CALN1: variants seen among roughly 807,000 people sequenced by gnomAD.
CALN1 encodes calcium-binding protein 8.
CALN1 carries 17 observed loss-of-function variants against 30.6 expected under a neutral mutation model. The ratio of observed to expected loss-of-function variants is 0.56; its 90% CI spans 0.38 to 0.83. The LOEUF (loss-of-function observed/expected upper bound fraction) is 0.83, where lower values mean the gene tolerates loss of function less well. Among genes scored for constraint, CALN1 ranks in the 40% least tolerant of loss-of-function variants. The probability of loss-of-function intolerance (pLI) is 0.00; values close to 1 mark genes in which losing one functional copy is unlikely to be tolerated. For synonymous variants in CALN1, 156 were observed against 131.4 expected (o/e 1.19, Z -1.28); for missense variants, 291 against 354.9 (o/e 0.82, Z 1.45).
At chr7:72,319,083 A>T (rs1417699058) in intron 2 of CALN1, among the ~76,000 whole-genome samples, 1 of 152,196 alleles carries the variant, frequency 6.6e-6, no homozygotes, top group Non-Finnish European at 1.5e-5. Context: ...ATCTGCACCC[A>T]TATGTTTATC....
chr7:71,818,313 G>C (rs905718109), intron 5 of CALN1, among the ~76,000 whole-genome samples: 1 of 152,006 alleles, frequency 6.6e-6, no homozygotes, highest in Non-Finnish European at 1.5e-5. Context: ...GGAGGGAAGA[G>C]GAGACGGTCA....
intron 5 of CALN1, among the ~76,000 whole-genome samples, chr7:71,879,212 T>C (rs1792425416): frequency 6.6e-6 from 1 of 152,188 alleles, no homozygotes; most frequent in Non-Finnish European, 1.5e-5. Flanking sequence ...TTTAAATAAA[T>C]TGCCATTGAA....
chr7:72,397,588 T>G (rs1806045668), intron 2 of CALN1, among the ~76,000 whole-genome samples: 1 of 152,052 alleles, frequency 6.6e-6, no homozygotes, highest in Non-Finnish European at 1.5e-5. Context: ...GGAAATGTGT[T>G]CCTCAATGGG....
chr7:72,264,079 A>G (rs1487436168), intron 3 of CALN1, among the ~76,000 whole-genome samples: 9 of 152,210 alleles, frequency 5.9e-5, no homozygotes, highest in Admixed American at 4.6e-4. Context: ...AAAGTTCCAC[A>G]CGACCGAGCC....
At chr7:72,029,420 T>C (rs1335828121) in intron 4 of CALN1, among the ~76,000 whole-genome samples, 1 of 152,164 alleles carries the variant, frequency 6.6e-6, no homozygotes, top group Non-Finnish European at 1.5e-5. Context: ...GGCCAATATT[T>C]GATCTTTGAC....
chr7:71,797,614 TCTC>T (rs1054822697), intron 6 of CALN1, among the ~76,000 whole-genome samples: 4 of 152,060 alleles, frequency 2.6e-5, no homozygotes, highest in African/African-American at 9.7e-5. Context: ...GCTGGTCCCT[TCTC>T]CTCTACAAAA....
intron 3 of CALN1, among the ~76,000 whole-genome samples, chr7:72,189,903 T>C (rs1369222410): frequency 1.3e-5 from 2 of 152,224 alleles, no homozygotes; most frequent in African/African-American, 4.8e-5. Flanking sequence ...ATACTTTGAA[T>C]GCATATAGCC....
chr7:72,230,640 C>T (rs1428506868), intron 3 of CALN1, among the ~76,000 whole-genome samples: 2 of 152,016 alleles, frequency 1.3e-5, no homozygotes, highest in South Asian at 2.1e-4. Flanking sequence ...TATAGAAGTT[C>T]GACAAAGCAA....
At chr7:72,155,352 C>A (rs986110944) in intron 3 of CALN1, among the ~76,000 whole-genome samples, 1 of 151,714 alleles carries the variant, frequency 6.6e-6, no homozygotes, top group Admixed American at 6.6e-5. Flanking sequence ...ATTAGCCGGG[C>A]GTGGTGGCAG....
At chr7:72,367,994 A>T (rs1803976620) in intron 2 of CALN1, among the ~76,000 whole-genome samples, 1 of 151,894 alleles carries the variant, frequency 6.6e-6, no homozygotes, top group African/African-American at 2.4e-5. Flanking sequence ...TTATCTGGGC[A>T]TGGTGGCAGG....
intron 2 of CALN1, among the ~76,000 whole-genome samples, chr7:72,312,177 G>C (rs1024631483): frequency 6.6e-6 from 1 of 152,138 alleles, no homozygotes; most frequent in African/African-American, 2.4e-5. Flanking sequence ...GCTGAGGCCA[G>C]AGTATCACTT....
At chr7:72,044,683 C>T (rs1426516962) in intron 4 of CALN1, among the ~76,000 whole-genome samples, 1 of 142,020 alleles carries the variant, frequency 7.0e-6, no homozygotes, top group Admixed American at 7.6e-5. Flanking sequence ...ACAATCACAG[C>T]TCATTGCAGG....
chr7:72,463,485 A>G, the CALN1 span, among the ~76,000 whole-genome samples: 10 of 152,144 alleles, frequency 6.6e-5, no homozygotes, highest in Non-Finnish European at 1.2e-4. Context: ...GGAGTTCAGG[A>G]AGCACCATCC....
At chr7:72,397,710 T>TCACACACACACACACACA (rs1286894513) in intron 2 of CALN1, among the ~76,000 whole-genome samples, 122 of 57,320 alleles carry the variant, frequency 2.1e-3, no homozygotes, top group Admixed American at 2.5e-3. Flanking sequence ...GCACCCATTC[T>TCACACACACACACACACA]CTCTCACACA....
chr7:71,872,555 T>C (rs555863029), intron 5 of CALN1, among the ~76,000 whole-genome samples: 1 of 152,288 alleles, frequency 6.6e-6, no homozygotes, highest in Admixed American at 6.5e-5. Context: ...AAATGACTGT[T>C]TATCATTAAC....
At chr7:72,306,081 G>T (rs1001421813) in intron 2 of CALN1, among the ~76,000 whole-genome samples, 1 of 152,144 alleles carries the variant, frequency 6.6e-6, no homozygotes, top group African/African-American at 2.4e-5. Flanking sequence ...ACACTCATCA[G>T]ATGGGTTTTA....
At chr7:72,483,912 C>T in the CALN1 span, among the ~76,000 whole-genome samples, 1 of 151,962 alleles carries the variant, frequency 6.6e-6, no homozygotes, top group African/African-American at 2.4e-5. Flanking sequence ...TTGTGGGTTT[C>T]ATTTCTGAAA....
chr7:72,185,563 T>C (rs1790127097), intron 3 of CALN1, among the ~76,000 whole-genome samples: 1 of 152,180 alleles, frequency 6.6e-6, no homozygotes, highest in African/African-American at 2.4e-5. Flanking sequence ...AATGGGACTT[T>C]GCAGGTGTGA....
At chr7:72,409,947 T>C (rs1806999480) in intron 1 of CALN1, among the ~76,000 whole-genome samples, 1 of 152,208 alleles carries the variant, frequency 6.6e-6, no homozygotes, top group Non-Finnish European at 1.5e-5. Flanking sequence ...GATAATGGTT[T>C]TCCCCTTGGT....
Sources: gnomAD v4.1 joint callset for allele counts (sites outside exome capture counted in the v4.1 genomes callset) on GRCh38, gnomAD v4.1.1 for gene constraint, MANE v1.5 for transcripts, NCBI Gene and HGNC (gene_info 2026-07-23, HGNC 2026-07-21) for gene names.